The following PCNX2 variants were observed in gnomAD, a reference collection of about 807,000 sequenced individuals.
PCNX2 encodes the protein pecanex-like protein 2.
Under a neutral mutation model 223.8 loss-of-function variants are expected in PCNX2, and 168 were observed. The ratio of observed to expected loss-of-function variants is 0.75; its 90% CI spans 0.66 to 0.85. PCNX2 has a LOEUF of 0.85. Ranked by LOEUF, PCNX2 falls within the 40% of genes least tolerant of loss-of-function variation. PCNX2 has a pLI of 0.00. For synonymous variants in PCNX2, 1,006 were observed against 1,052.6 expected (o/e 0.96, Z 0.86); for missense variants, 2,507 against 2,675.5 (o/e 0.94, Z 1.39).
At chr1:233,172,495 G>A (rs774626128) in intron 17 of PCNX2, 3 of 985,412 alleles carry the variant, frequency 3.0e-6, no homozygotes, top group Non-Finnish European at 3.6e-6. Context: ...ACTTCCTGGT[G>A]TGGAGGGTGG....
intron 26 of PCNX2, chr1:233,018,702 A>G (rs752646000): frequency 4.2e-6 from 4 of 943,100 alleles, no homozygotes; most frequent in Non-Finnish European, 5.1e-6. Flanking sequence ...ATAACAGAAA[A>G]ATGCAGGTGG....
intron 1 of PCNX2, among the ~76,000 whole-genome samples, chr1:233,263,767 T>A (rs1296873315): frequency 6.6e-6 from 1 of 152,218 alleles, no homozygotes; most frequent in East Asian, 1.9e-4. Context: ...CCATGTTTGA[T>A]AAGCTCTTAT....
the PCNX2 span, among the ~76,000 whole-genome samples, chr1:233,306,564 G>A: frequency 1.3e-5 from 2 of 152,154 alleles, no homozygotes; most frequent in South Asian, 2.1e-4. Flanking sequence ...GAAAAGGCTC[G>A]AAAGAGGACA....
rs1672221122 is a variant in PCNX2 at position 233,057,212 on chromosome 1, G to T, written c.4135+20C>A. 3 of 1,560,946 alleles carry T rather than the reference G, an allele frequency of 1.9e-6. No homozygotes were observed. The highest frequency in any genetic ancestry group is 2.6e-6 in the Non-Finnish European group (3 of 1,137,024). ...CATACAACAATAAATAGTTGAAAAA[G>T]AGAGAAGAGATCTTCTTACCTGGAT... is the stretch of plus-strand genomic sequence containing the variant. On this transcript the variant is annotated intron_variant, in intron 24 of 33. Transcript: ENST00000258229.
intron 1 of PCNX2, among the ~76,000 whole-genome samples, chr1:233,288,024 C>T (rs1239067242): frequency 1.3e-5 from 2 of 152,056 alleles, no homozygotes; most frequent in Non-Finnish European, 2.9e-5. Context: ...GAAGAAAATG[C>T]ACTAGACAAA....
chr1:233,180,053 G>A lies in PCNX2; in HGVS notation c.3067-878C>T, dbSNP rs147680313. Among the ~76,000 whole-genome samples the A allele has an allele frequency of 5.3e-5, 8 of 152,260 alleles. No individual in the cohort carries two copies. The East Asian group carries it at 7.7e-4, about 15-fold the overall frequency. ...TTTTCCTTTGTTCAAGCGTGCTCTCGCCATTGTTCCATCTGCATAGAGCAC... is the reference window on the plus strand; with the variant it reads ...TTTTCCTTTGTTCAAGCGTGCTCTCACCATTGTTCCATCTGCATAGAGCAC... On this transcript the variant is annotated intron_variant, in intron 15 of 33. Coordinates refer to ENST00000258229, the MANE Select transcript of PCNX2 (RefSeq NM_014801.4).
chr1:233,024,921 G>C (rs1040196643), intron 26 of PCNX2, among the ~76,000 whole-genome samples: 6 of 152,140 alleles, frequency 3.9e-5, no homozygotes, highest in African/African-American at 1.4e-4. Context: ...AAAACAAACT[G>C]CTTATTGGTG....
intron 21 of PCNX2, among the ~76,000 whole-genome samples, chr1:233,109,800 T>C (rs751322387): frequency 3.3e-5 from 5 of 152,200 alleles, no homozygotes; most frequent in Non-Finnish European, 7.3e-5. Context: ...ATTTCCAAAA[T>C]GACAGACACC....
At chr1:233,199,825 T>C (rs577866495) in intron 14 of PCNX2, among the ~76,000 whole-genome samples, 3 of 148,712 alleles carry the variant, frequency 2.0e-5, no homozygotes, top group Non-Finnish European at 4.4e-5. Flanking sequence ...CACACACTTA[T>C]ATCCACTCAC....
intron 8 of PCNX2, among the ~76,000 whole-genome samples, chr1:233,238,680 T>C (rs919763232): frequency 1.7e-4 from 20 of 114,804 alleles, no homozygotes; most frequent in African/African-American, 6.9e-4. Flanking sequence ...GTGAACAGAG[T>C]AAGATCCTGT....
intron 20 of PCNX2, among the ~76,000 whole-genome samples, chr1:233,137,384 G>A (rs370980004): frequency 1.3e-5 from 2 of 152,308 alleles, no homozygotes; most frequent in East Asian, 3.9e-4. Context: ...GCCAGGACAG[G>A]CTCCAGCCAC....
intron 21 of PCNX2, among the ~76,000 whole-genome samples, chr1:233,116,775 GAAGA>G (rs988464341): frequency 3.3e-5 from 5 of 151,766 alleles, no homozygotes; most frequent in Middle Eastern, 3.4e-3. Context: ...AATCCCAAGA[GAAGA>G]AAGAAAATAA....
chr1:233,069,835 G>A lies in PCNX2; in HGVS notation c.4077-12545C>T, dbSNP rs137861195. Among the ~76,000 whole-genome samples the A allele has an allele frequency of 3.5e-3, 526 of 151,970 alleles. 3 individuals are homozygous for A. Among genetic ancestry groups the A allele is most frequent in the Non-Finnish European group, 4.7e-3 (318 of 67,922 alleles). On this transcript the variant is annotated intron_variant, in intron 23 of 33. Transcript: ENST00000258229. ...GTCCCACCCAAAAAATCTAGAAAAAGAAGAGCAAAGAAAACCCAAAGCAAG... is the reference window on the plus strand; with the variant it reads ...GTCCCACCCAAAAAATCTAGAAAAAAAAGAGCAAAGAAAACCCAAAGCAAG...
the PCNX2 span, among the ~76,000 whole-genome samples, chr1:233,321,445 G>T: frequency 6.6e-6 from 1 of 152,068 alleles, no homozygotes; most frequent in Non-Finnish European, 1.5e-5. Context: ...TTACAGGCGG[G>T]AGCCACCATG....
chr1:233,215,252 A>C (rs1030382439), intron 12 of PCNX2, among the ~76,000 whole-genome samples: 1 of 152,238 alleles, frequency 6.6e-6, no homozygotes, highest in African/African-American at 2.4e-5. Context: ...TTGCAACAAG[A>C]AATATTTTAT....
chr1:233,056,641 T>C (rs987577087), intron 24 of PCNX2, among the ~76,000 whole-genome samples: 4 of 152,176 alleles, frequency 2.6e-5, no homozygotes, highest in Non-Finnish European at 5.9e-5. Flanking sequence ...CACGATACAA[T>C]TGTTCCTAGA....
In PCNX2 at chr1:233,195,421, G is replaced by C. The variant is rs1680672034; in HGVS notation, c.3066+3518C>G. On this transcript the variant is annotated intron_variant, in intron 15 of 33. Transcript: ENST00000258229. ...AGCAAGGCAAAGATGTCTGATTTCA[G>C]CACTTTGTCAACATTGCTCTGGAGG... Among the ~76,000 whole-genome samples the C allele has an allele frequency of 2.0e-5, 3 of 152,262 alleles. No individual in the cohort carries two copies. The South Asian group carries it at 6.2e-4, about 32-fold the overall frequency.
At chr1:233,293,813 C>A in intron 1 of PCNX2, 1 of 318,134 alleles carries the variant, frequency 3.1e-6, no homozygotes, top group South Asian at 1.2e-4. Context: ...GTGAAGCTTG[C>A]TCAAGCTCAT....
In PCNX2 at chr1:233,199,039, C is replaced by G; in HGVS notation, c.2975-9G>C. 1 of 1,557,472 alleles carries G rather than the reference C, an allele frequency of 6.4e-7. No individual in the cohort carries two copies. The highest frequency in any genetic ancestry group is 8.7e-7 in the Non-Finnish European group (1 of 1,151,828). ...GGTTATCCCAGACACAGCTGGAACACAAACATCAACAGTTCTTTTCTAGAC... is the reference window on the plus strand; with the variant it reads ...GGTTATCCCAGACACAGCTGGAACAGAAACATCAACAGTTCTTTTCTAGAC... On this transcript the variant is annotated splice_polypyrimidine_tract_variant and intron_variant, in intron 14 of 33. Transcript: ENST00000258229.
Sources: gnomAD v4.1 joint callset for allele counts (sites outside exome capture counted in the v4.1 genomes callset) on GRCh38, gnomAD v4.1.1 for gene constraint, MANE v1.5 for transcripts, NCBI Gene and HGNC (gene_info 2026-07-23, HGNC 2026-07-21) for gene names.